NRXN3: variants seen among roughly 807,000 people sequenced by gnomAD.
NRXN3 encodes neurexin 3.
Under a neutral mutation model 137.6 loss-of-function variants are expected in NRXN3, and 32 were observed. That is an observed-to-expected ratio of 0.23 (90% CI 0.18 to 0.31). NRXN3 has a LOEUF of 0.31. NRXN3 is among the 10% of genes least tolerant of loss of function. The pLI is 1.00. For synonymous variants in NRXN3, 798 were observed against 784.5 expected (o/e 1.02, Z -0.29); for missense variants, 1,574 against 2,062.5 (o/e 0.76, Z 4.59).
At chr14:78,963,867 G>A (rs546755844) in intron 11 of NRXN3, among the ~76,000 whole-genome samples, 8 of 152,262 alleles carry the variant, frequency 5.3e-5, no homozygotes, top group Admixed American at 1.3e-4. Context: ...CTGGGCTCCA[G>A]TGATCCTCCT....
intron 15 of NRXN3, among the ~76,000 whole-genome samples, chr14:79,079,754 C>G (rs554167038): frequency 6.6e-6 from 1 of 152,184 alleles, no homozygotes; most frequent in African/African-American, 2.4e-5. Context: ...TTTTGGGAGG[C>G]CGAGGCGGGT....
intron 15 of NRXN3, among the ~76,000 whole-genome samples, chr14:79,005,276 C>T (rs1356249201): frequency 1.3e-5 from 2 of 152,188 alleles, no homozygotes; most frequent in African/African-American, 2.4e-5. Context: ...GGTTTCTTGG[C>T]CCCTGCCTTA....
At chr14:79,763,367 C>CATTCT (rs1225304796) in intron 19 of NRXN3, among the ~76,000 whole-genome samples, 13 of 71,920 alleles carry the variant, frequency 1.8e-4, no homozygotes, top group Non-Finnish European at 3.7e-4. Flanking sequence ...ATGATTTATA[C>CATTCT]ATACGTGTGC....
At chr14:79,431,747 G>C (rs2095758424) in intron 15 of NRXN3, among the ~76,000 whole-genome samples, 1 of 151,910 alleles carries the variant, frequency 6.6e-6, no homozygotes, top group African/African-American at 2.4e-5. Context: ...AAATGAACCT[G>C]CCTTACTGTT....
rs181967366 is a variant in NRXN3 at position 78,981,255 on chromosome 14, A to G, written c.3143-6767A>G. Among the ~76,000 whole-genome samples, 10 of 152,332 alleles carry G rather than the reference A, an allele frequency of 6.6e-5. No individual in the cohort carries two copies. The East Asian group carries it at 1.9e-3, about 29-fold the overall frequency. ...AGTTTTCCTTGTAAAAAACAAAAACAAATCCTTACATCAAGACGTCATCTT... is the reference window on the plus strand; with the variant it reads ...AGTTTTCCTTGTAAAAAACAAAAACGAATCCTTACATCAAGACGTCATCTT... On this transcript the variant is annotated intron_variant, in intron 14 of 20. Transcript: ENST00000335750.
At position 79,637,882 on chromosome 14, in the gene NRXN3, A is replaced by G. The variant is rs530355084; in HGVS notation, c.3445-25896A>G. On this transcript the variant is annotated intron_variant, in intron 16 of 20. Transcript: ENST00000335750. ...GTATCTGGGATTACAGGTGTGCGCC[A>G]CCATGCCTGGCTAATATTTTTATTT... 4.1e-3 allele frequency among the ~76,000 whole-genome samples: 514 copies of G among 125,004 alleles called. 2 individuals carry two copies. Among genetic ancestry groups the G allele is most frequent in the African/African-American group, 0.019 (497 of 26,054 alleles). 82.0% of individuals were successfully genotyped at this position (125,004 alleles called of 152,430 possible).
At chr14:78,519,206 T>C (rs1306968044) in intron 4 of NRXN3, among the ~76,000 whole-genome samples, 1 of 152,140 alleles carries the variant, frequency 6.6e-6, no homozygotes, top group Non-Finnish European at 1.5e-5. Context: ...TTGGGTCATT[T>C]TGTAGTTATT....
intron 15 of NRXN3, among the ~76,000 whole-genome samples, chr14:79,262,680 G>A (rs74067941): frequency 0.013 from 2,047 of 152,266 alleles, 54 homozygotes; most frequent in African/African-American, 0.046. Flanking sequence ...AGGAATTTGG[G>A]GAGAGGACAA....
chr14:78,569,500 C>T (rs1003971124), intron 4 of NRXN3, among the ~76,000 whole-genome samples: 4 of 149,838 alleles, frequency 2.7e-5, no homozygotes, highest in South Asian at 2.1e-4. Context: ...CTCCTGACCT[C>T]GTGATCCACC....
rs2099303444 is a variant in NRXN3, at chr14:78,926,901, AT to A, written c.2276-30340del. Among the ~76,000 whole-genome samples the A allele has an allele frequency of 5.2e-4, 14 of 26,846 alleles. 1 individual carries two copies. The South Asian group carries it at 8.5e-3, about 16-fold the overall frequency. The allele number at this position is 26,846 out of a possible 152,430, so 17.6% of individuals were successfully genotyped here. A position where few individuals can be genotyped will look rare whatever the true frequency, so the allele number is the denominator to read the frequency against. ...TATAATATATTTATATATATATATA[AT>A]ATATATAATATATATATAATATATA... On this transcript the variant is annotated intron_variant, in intron 10 of 20. Transcript: ENST00000335750.
chr14:78,837,161 T>C (rs2098999446), intron 10 of NRXN3, among the ~76,000 whole-genome samples: 1 of 152,222 alleles, frequency 6.6e-6, no homozygotes, highest in Admixed American at 6.5e-5. Context: ...CTATTCAGAA[T>C]GCTTGATTTG....
chr14:78,662,851 A>T (rs555265330), intron 6 of NRXN3, among the ~76,000 whole-genome samples: 1 of 152,288 alleles, frequency 6.6e-6, no homozygotes, highest in African/African-American at 2.4e-5. Context: ...CACTTACAAG[A>T]ATTTATCTTT....
intron 6 of NRXN3, among the ~76,000 whole-genome samples, chr14:78,666,726 T>G (rs968734264): frequency 9.2e-5 from 14 of 152,310 alleles, no homozygotes; most frequent in African/African-American, 3.1e-4. Flanking sequence ...CCCATAGTAC[T>G]TCGCCTATCA....
chr14:78,719,087 A>G (rs569198126), intron 8 of NRXN3, among the ~76,000 whole-genome samples: 1 of 152,356 alleles, frequency 6.6e-6, no homozygotes, highest in African/African-American at 2.4e-5. Context: ...AGGCAAAGCC[A>G]AGGGTTTGAT....
intron 10 of NRXN3, among the ~76,000 whole-genome samples, chr14:78,863,372 T>C (rs563862651): frequency 6.6e-6 from 1 of 152,282 alleles, no homozygotes; most frequent in East Asian, 1.9e-4. Context: ...GCTCTGCAAC[T>C]CAGTCCCCTT....
At chr14:79,842,446 G>A (rs1273440108) in intron 20 of NRXN3, among the ~76,000 whole-genome samples, 4 of 152,132 alleles carry the variant, frequency 2.6e-5, no homozygotes, top group African/African-American at 9.7e-5. Context: ...GCCAGAGCCC[G>A]AGATATCCTG....
chr14:79,751,334 T>C (rs946647924), intron 19 of NRXN3, among the ~76,000 whole-genome samples: 15 of 152,156 alleles, frequency 9.9e-5, no homozygotes, highest in African/African-American at 3.4e-4. Context: ...TTTGAAGCAA[T>C]TGTGACTGGG....
At chr14:79,380,590 T>A (rs1165040936) in intron 15 of NRXN3, among the ~76,000 whole-genome samples, 1 of 152,170 alleles carries the variant, frequency 6.6e-6, no homozygotes, top group Admixed American at 6.5e-5. Flanking sequence ...CTTAATCCAG[T>A]CTATCATTGT....
chr14:79,532,230 T>C (rs1208483155), intron 16 of NRXN3, among the ~76,000 whole-genome samples: 6 of 152,226 alleles, frequency 3.9e-5, no homozygotes, highest in Admixed American at 2.0e-4. Flanking sequence ...TATGTCTTTA[T>C]GTAAGTTACA....
Sources: gnomAD v4.1 joint callset for allele counts (sites outside exome capture counted in the v4.1 genomes callset) on GRCh38, gnomAD v4.1.1 for gene constraint, MANE v1.5 for transcripts, NCBI Gene and HGNC (gene_info 2026-07-23, HGNC 2026-07-21) for gene names.